The following PIEZO2 variants were observed in gnomAD, a reference collection of about 807,000 sequenced individuals.
PIEZO2 encodes the protein piezo type mechanosensitive ion channel component 2.
Under a neutral mutation model 337.3 loss-of-function variants are expected in PIEZO2, and 172 were observed. That is an observed-to-expected ratio of 0.51 (90% confidence interval 0.45 to 0.58). The LOEUF (loss-of-function observed/expected upper bound fraction) is 0.58. Among genes scored for constraint, PIEZO2 ranks in the 20% least tolerant of loss-of-function variants. PIEZO2 has a pLI of 0.00. For missense variants in PIEZO2, 3,028 were observed against 3,391.3 expected (o/e 0.89, Z 2.66); for synonymous variants, 1,251 against 1,228.5 (o/e 1.02, Z -0.38).
At chr18:11,095,515 A>T (rs1049818444) in intron 1 of PIEZO2, among the ~76,000 whole-genome samples, 1 of 152,176 alleles carries the variant, frequency 6.6e-6, no homozygotes, top group Non-Finnish European at 1.5e-5. Context: ...TGCAGCCCAC[A>T]CTTTGGCTTC....
At chr18:10,910,656 C>A (rs756190186) in intron 4 of PIEZO2, among the ~76,000 whole-genome samples, 1 of 151,996 alleles carries the variant, frequency 6.6e-6, no homozygotes, top group Non-Finnish European at 1.5e-5. Flanking sequence ...GACCTACCAG[C>A]ACATTTTCTG....
chr18:10,989,957 A>G (rs2035026974), intron 2 of PIEZO2, among the ~76,000 whole-genome samples: 1 of 152,180 alleles, frequency 6.6e-6, no homozygotes, highest in East Asian at 1.9e-4. Context: ...AACTCCAGAT[A>G]AATTTTTACA....
chr18:10,914,613 G>A (rs1288333102), intron 3 of PIEZO2, among the ~76,000 whole-genome samples: 4 of 151,788 alleles, frequency 2.6e-5, no homozygotes, highest in East Asian at 3.9e-4. Context: ...AAATAATTTC[G>A]ATCTGAGGTC....
chr18:10,717,904 C>A (rs1270821258), intron 37 of PIEZO2, among the ~76,000 whole-genome samples: 1 of 152,162 alleles, frequency 6.6e-6, no homozygotes, highest in Non-Finnish European at 1.5e-5. Context: ...TGACGGCTTC[C>A]ATGGGACATT....
chr18:11,110,564 G>A lies in PIEZO2; in HGVS notation c.64+37961C>T, dbSNP rs1414482120. On this transcript the variant is annotated intron_variant, in intron 1 of 55. Transcript: ENST00000674853. This position sits in a 1 kb window ranked among gnomAD's most constrained non-coding sequence, Gnocchi z 4.2. ...GACACAGCAGAGCGGGGGAGTGGGA[G>A]CTGCCACATAACGGTTCCTTCAGAG... Among the ~76,000 whole-genome samples, 1 of 152,196 alleles carries A rather than the reference G, an allele frequency of 6.6e-6. No homozygotes were observed. Among genetic ancestry groups the A allele is most frequent in the Admixed American group, 6.5e-5 (1 of 15,278 alleles).
rs1035142008 is a variant in PIEZO2, at chr18:10,954,513, T to C, written c.286+25022A>G. On this transcript the variant is annotated intron_variant, in intron 3 of 55. Transcript: ENST00000674853. This position sits in a 1 kb window ranked among gnomAD's most constrained non-coding sequence, Gnocchi z 4.2. The stretch of plus-strand genomic sequence containing the variant: ...TATGTTGATCTTGCATCCTGTGATG[T>C]TGACTTTTTGAAATATTCTACATTG... Among the ~76,000 whole-genome samples, 2 of 152,232 alleles carry C rather than the reference T, an allele frequency of 1.3e-5. No homozygotes were observed. The highest frequency in any genetic ancestry group is 2.4e-5 in the African/African-American group (1 of 41,458).
At position 10,807,159 on chromosome 18, in the gene PIEZO2, A is replaced by C; in HGVS notation, c.1033T>G (p.Tyr345Asp). 6.5e-7 allele frequency: 1 copy of C among 1,537,272 alleles called. No individual in the cohort carries two copies. The highest frequency in any genetic ancestry group is 1.2e-5 in the South Asian group (1 of 84,060). The change falls in exon 8 of 56, where the codon TAC becomes GAC. Residue 345 changes from tyrosine (Y) to aspartate (D), a missense_variant. Tyr to Asp is a radical substitution (Grantham distance 160). Transcript: ENST00000674853. ...CGGATCAGAGTGGCCAGAGTGTAGT[A>C]CATCACCAGCAGGAGGATAGGGTTG... ...HANPILLLVM[Y>D]YTLATLIRIW...
intron 7 of PIEZO2, among the ~76,000 whole-genome samples, chr18:10,825,966 A>G (rs2144501955): frequency 6.6e-6 from 1 of 152,304 alleles, no homozygotes. Context: ...ATTGCCTCTT[A>G]TCTCCCATTT....
chr18:10,731,321 AG>A (rs2036775889), intron 36 of PIEZO2, 85 bp downstream of exon 36: 1 of 822,318 alleles, frequency 1.2e-6, no homozygotes, highest in Non-Finnish European at 1.8e-6. Context: ...TTAATCCCTC[AG>A]AAGTTTCTGT....
intron 49 of PIEZO2, among the ~76,000 whole-genome samples, chr18:10,689,434 G>A (rs2034699870): frequency 1.3e-5 from 2 of 151,662 alleles, no homozygotes; most frequent in Non-Finnish European, 2.9e-5. Context: ...ACTACAATAT[G>A]AAGTTGCCGA....
At chr18:10,675,348 G>A in intron 53 of PIEZO2, 60 bp from the exon 54 acceptor site, 1 of 1,116,242 alleles carries the variant, frequency 9.0e-7, no homozygotes, top group Non-Finnish European at 1.3e-6. Context: ...ACCTAAAATT[G>A]ATTTTTTGTT....
intron 3 of PIEZO2, among the ~76,000 whole-genome samples, chr18:10,934,350 C>T (rs768990175): frequency 3.3e-5 from 5 of 152,140 alleles, no homozygotes; most frequent in Non-Finnish European, 7.4e-5. Flanking sequence ...CATCACCAGG[C>T]GCAGAAGCAG....
At chr18:11,051,597 T>C (rs1046530061) in intron 2 of PIEZO2, among the ~76,000 whole-genome samples, 1 of 152,068 alleles carries the variant, frequency 6.6e-6, no homozygotes, top group Non-Finnish European at 1.5e-5. Flanking sequence ...CAAGAGCACA[T>C]ATTCACAAAG....
At chr18:10,900,203 A>G (rs975655333) in intron 4 of PIEZO2, among the ~76,000 whole-genome samples, 2 of 151,700 alleles carry the variant, frequency 1.3e-5, no homozygotes, top group South Asian at 2.1e-4. Flanking sequence ...ACACACACAC[A>G]CACACACAAA....
chr18:10,923,460 T>C (rs1031702904), intron 3 of PIEZO2, among the ~76,000 whole-genome samples: 1 of 152,054 alleles, frequency 6.6e-6, no homozygotes, highest in African/African-American at 2.4e-5. Flanking sequence ...GAAGCAAGAG[T>C]GGCTGTGACT....
rs552790391 is a variant in PIEZO2, at chr18:10,795,057, C to A, written c.1528-55G>T. On this transcript the variant is annotated intron_variant, in intron 12 of 55. Coordinates refer to ENST00000674853, the MANE Select transcript of PIEZO2 (RefSeq NM_001378183.1). This position sits in a 1 kb window ranked among gnomAD's most constrained non-coding sequence, Gnocchi z 4.4. ...ATGGTCAATACAATGCTCAGTCCCCCCCGCCCTGGTAAGGTAAAAACTATC... is the reference window on the plus strand; with the variant it reads ...ATGGTCAATACAATGCTCAGTCCCCACCGCCCTGGTAAGGTAAAAACTATC... 172 of 1,393,082 alleles carry A rather than the reference C, an allele frequency of 1.2e-4. 1 individual carries two copies. The East Asian group carries it at 1.8e-3, about 15-fold the overall frequency. 86.3% of individuals were successfully genotyped at this position (1,393,082 alleles called of 1,614,324 possible). A position where few individuals can be genotyped will look rare whatever the true frequency, so the allele number is the denominator to read the frequency against.
At chr18:10,884,618 G>C (rs1313143100) in intron 4 of PIEZO2, among the ~76,000 whole-genome samples, 2 of 152,124 alleles carry the variant, frequency 1.3e-5, no homozygotes, top group Non-Finnish European at 2.9e-5. Context: ...TGGGGTATAA[G>C]GACACCATTA....
At position 11,146,473 on chromosome 18, in the gene PIEZO2, C is replaced by G. The variant is rs935730789; in HGVS notation, c.64+2052G>C. On this transcript the variant is annotated intron_variant, in intron 1 of 55. Coordinates refer to ENST00000674853, the MANE Select transcript of PIEZO2 (RefSeq NM_001378183.1). The surrounding 1 kb of genome is among the most constrained non-coding windows in gnomAD (Gnocchi z 6.1). ...CCACCCTGGCTGCGAGTCACCGCCC[C>G]GAGCCCCTGTGCCCAGCAACCCAAG... Among the ~76,000 whole-genome samples the G allele has an allele frequency of 2.0e-5, 3 of 152,176 alleles. No individual in the cohort carries two copies. The highest frequency in any genetic ancestry group is 2.9e-5 in the Non-Finnish European group (2 of 68,020).
At chr18:10,703,246 T>A (rs566356650) in intron 42 of PIEZO2, among the ~76,000 whole-genome samples, 1 of 152,320 alleles carries the variant, frequency 6.6e-6, no homozygotes, top group South Asian at 2.1e-4. Context: ...ATTTGATAAA[T>A]GTACTCACAT....
Sources: gnomAD v4.1 joint callset for allele counts (sites outside exome capture counted in the v4.1 genomes callset) on GRCh38, gnomAD v4.1.1 for gene constraint, Gnocchi (gnomAD v3.1) non-coding constraint, MANE v1.5 for transcripts, NCBI Gene and HGNC (gene_info 2026-07-23, HGNC 2026-07-21) for gene names.